PXDN: variants seen among roughly 807,000 people sequenced by gnomAD.
The protein encoded by PXDN is peroxidasin homolog.
A neutral mutation model predicts 140.3 loss-of-function variants in PXDN; 77 were observed. The observed-to-expected ratio is 0.55, with a 90% CI of 0.46 to 0.66. The LOEUF is 0.66. Among genes scored for constraint, PXDN ranks in the 30% least tolerant of loss-of-function variants. PXDN has a pLI of 0.00. For synonymous variants in PXDN, 911 were observed against 857.4 expected, an observed-to-expected ratio of 1.06 and a Z score of -1.09; for missense variants, 1,838 against 2,039.5, an observed-to-expected ratio of 0.90 and a Z score of 1.90.
At chr2:1,669,311 G>A (rs941539919) in intron 9 of PXDN, among the ~76,000 whole-genome samples, 2 of 152,118 alleles carry the variant, frequency 1.3e-5, no homozygotes, top group African/African-American at 4.8e-5. Flanking sequence ...GGGGTTGGGG[G>A]AAAGGGGACA....
chr2:1,734,829 T>G (rs1572204163), intron 1 of PXDN, among the ~76,000 whole-genome samples: 1 of 152,196 alleles, frequency 6.6e-6, no homozygotes, highest in South Asian at 2.1e-4. Flanking sequence ...ATTGTGCCAC[T>G]GCACTCCAGC....
At chr2:1,635,143 C>T (rs1682515221) in intron 22 of PXDN, among the ~76,000 whole-genome samples, 1 of 151,142 alleles carries the variant, frequency 6.6e-6, no homozygotes, top group South Asian at 2.1e-4. Context: ...ACAAGCAGCC[C>T]CAGGTGGCCC....
intron 7 of PXDN, among the ~76,000 whole-genome samples, chr2:1,679,085 T>C (rs935436443): frequency 2.3e-5 from 3 of 127,878 alleles, no homozygotes; most frequent in African/African-American, 1.0e-4. Context: ...TGTATGTGCA[T>C]GCATGTGTGT....
chr2:1,694,693 A>G (rs761604605), intron 1 of PXDN, among the ~76,000 whole-genome samples: 10 of 152,208 alleles, frequency 6.6e-5, no homozygotes, highest in Non-Finnish European at 1.5e-4. Flanking sequence ...GAATATCACT[A>G]GTGGCTCCAC....
At chr2:1,694,508 C>T (rs914375694) in intron 1 of PXDN, among the ~76,000 whole-genome samples, 1 of 152,080 alleles carries the variant, frequency 6.6e-6, no homozygotes, top group Admixed American at 6.6e-5. Context: ...GGGAAGGCGG[C>T]CCCCCTCTGC....
intron 1 of PXDN, among the ~76,000 whole-genome samples, chr2:1,735,530 T>C (rs1208931934): frequency 6.6e-6 from 1 of 152,234 alleles, no homozygotes; most frequent in African/African-American, 2.4e-5. Context: ...GGTGACGAGA[T>C]GCATTGTAAA....
intron 1 of PXDN, among the ~76,000 whole-genome samples, chr2:1,712,570 A>G (rs995532266): frequency 6.6e-6 from 1 of 152,222 alleles, no homozygotes; most frequent in African/African-American, 2.4e-5. Flanking sequence ...TAAATTTGCT[A>G]AATTCCTCTT....
At position 1,666,214 on chromosome 2, in the gene PXDN, C is replaced by T; in HGVS notation, c.1291G>A (p.Ala431Thr). The change falls in exon 10 of 23, where the codon GCT becomes ACT. Residue 431 changes from alanine (A) to threonine (T), a missense_variant and splice_region_variant. By Grantham distance (58) the Ala-to-Thr change is moderately conservative. Around this residue, in one of 5 missense-constraint regions of PXDN, gnomAD observed 537 missense variants for 583.9 expected, o/e 0.92. Coordinates refer to ENST00000252804, the MANE Select transcript of PXDN (RefSeq NM_012293.3). The stretch of plus-strand genomic sequence containing the variant: ...TCTGGCACAGAGGATGGATACCCAC[C>T]CTGGACGATGATGAAAGCGGTGGCA... ...VHATAFIIVQ[A>T]LPQFTVTPQD... 6.2e-7 allele frequency: 1 copy of T among 1,613,570 alleles called. No individual in the cohort carries two copies. The highest frequency in any genetic ancestry group is 1.3e-5 in the African/African-American group (1 of 75,050).
intron 1 of PXDN, among the ~76,000 whole-genome samples, chr2:1,710,603 A>ACTAGCACCCTCTCCACTAGCACC (rs1558520569): frequency 1.3e-4 from 11 of 86,244 alleles, no homozygotes; most frequent in Non-Finnish European, 5.0e-5. Flanking sequence ...ACCAGCACCC[A>ACTAGCACCCTCTCCACTAGCACC]CTCTCCACCA....
chr2:1,741,480 C>T (rs1685543310), intron 1 of PXDN, among the ~76,000 whole-genome samples: 1 of 152,178 alleles, frequency 6.6e-6, no homozygotes, highest in African/African-American at 2.4e-5. Flanking sequence ...GCTGAGGGAG[C>T]TCAAAGGTCG....
Position 1,649,483 on chromosome 2 carries a change from A to T in PXDN, c.2297T>A (p.Leu766Gln). The T allele has an allele frequency of 2.5e-6, 4 of 1,613,980 alleles. No homozygotes were observed. The highest frequency in any genetic ancestry group is 3.3e-4 in the Middle Eastern group (2 of 6,062). The part of the protein sequence containing the change: ...WGASLTAFER[L>Q]LKSVYENGFN... Reference sequence around the variant, plus strand: ...GCCATTCTCGTACACGGATTTCAGCAGGCGCTCGAAGGCGGTCAGCGAGGC... The same window carrying T: ...GCCATTCTCGTACACGGATTTCAGCTGGCGCTCGAAGGCGGTCAGCGAGGC... The change falls in exon 17 of 23, where the codon CTG becomes CAG. Residue 766 changes from leucine (L) to glutamine (Q), a missense_variant. Leu to Gln is a moderately radical substitution (Grantham distance 113). Coordinates refer to ENST00000252804, the MANE Select transcript of PXDN (RefSeq NM_012293.3). This position sits in a 1 kb window ranked among gnomAD's most constrained non-coding sequence, Gnocchi z 7.1.
intron 1 of PXDN, among the ~76,000 whole-genome samples, chr2:1,733,764 A>AAAAAAAAAAAAAC (rs1685365012): frequency 1.3e-5 from 2 of 151,534 alleles, no homozygotes; most frequent in Non-Finnish European, 2.9e-5. Flanking sequence ...AAAAAAAAAA[A>AAAAAAAAAAAAAC]AAAGCAGTGT....
intron 22 of PXDN, among the ~76,000 whole-genome samples, chr2:1,635,051 G>T (rs2125399774): frequency 6.6e-6 from 1 of 152,330 alleles, no homozygotes; most frequent in East Asian, 1.9e-4. Context: ...AGCTCTGCAG[G>T]GAGGAGCTGA....
chr2:1,686,616 T>C (rs1330598375), intron 4 of PXDN, among the ~76,000 whole-genome samples: 1 of 152,220 alleles, frequency 6.6e-6, no homozygotes, highest in Admixed American at 6.5e-5. Context: ...GGGTGTTCCC[T>C]GGATACGTCC....
In PXDN at chr2:1,635,924, C is replaced by G. The variant is rs181533068; in HGVS notation, c.4207-403G>C. On this transcript the variant is annotated intron_variant, in intron 21 of 22. Transcript: ENST00000252804. The stretch of plus-strand genomic sequence containing the variant: ...CACCACTGGCTTTTCTCTGGAAGCA[C>G]GGGGCCCCATAACAAGGTGACCTTT... 165 of 335,962 alleles carry G rather than the reference C, an allele frequency of 4.9e-4. 1 individual carries two copies. Among genetic ancestry groups the G allele is most frequent in the South Asian group, 8.1e-4 (33 of 40,746 alleles). The allele number at this position is 335,962 out of a possible 1,614,324, so 20.8% of individuals were successfully genotyped here.
intron 7 of PXDN, among the ~76,000 whole-genome samples, chr2:1,678,747 G>T (rs1306274056): frequency 6.6e-6 from 1 of 152,214 alleles, no homozygotes; most frequent in Non-Finnish European, 1.5e-5. Context: ...GGACGCAGGT[G>T]GGGCAGCTCC....
chr2:1,677,058 G>T lies in PXDN; in HGVS notation c.731-14C>A. The T allele has an allele frequency of 6.4e-7, 1 of 1,570,310 alleles. No homozygotes were observed. Among genetic ancestry groups the T allele is most frequent in the Non-Finnish European group, 8.7e-7 (1 of 1,153,284 alleles). On this transcript the variant is annotated splice_polypyrimidine_tract_variant and intron_variant, in intron 7 of 22. Coordinates refer to ENST00000252804, the MANE Select transcript of PXDN (RefSeq NM_012293.3). ...TCCGGGGCCTTTCTGTGCCCAACCA[G>T]AAAATGGAAACCTTTTTAGTCTAAA...
chr2:1,741,091 A>T (rs1165008441), intron 1 of PXDN, among the ~76,000 whole-genome samples: 1 of 152,068 alleles, frequency 6.6e-6, no homozygotes, highest in Non-Finnish European at 1.5e-5. Flanking sequence ...CAGGGAAGAG[A>T]GGAAGGCAGG....
rs1373470465 is a variant in PXDN at position 1,685,102 on chromosome 2, C to G, written c.417-951G>C. 6.6e-6 allele frequency among the ~76,000 whole-genome samples: 1 copy of G among 152,246 alleles called. No individual in the cohort carries two copies. The highest frequency in any genetic ancestry group is 1.5e-5 in the Non-Finnish European group (1 of 68,048). On this transcript the variant is annotated intron_variant, in intron 4 of 22. Transcript: ENST00000252804. This position sits in a 1 kb window ranked among gnomAD's most constrained non-coding sequence, Gnocchi z 5.1. ...GGACATCCTGAGATCACCGTCACCA[C>G]CAGGGCACCAGAGTGCGGCTGCCAG... is the stretch of plus-strand genomic sequence containing the variant.
Sources: gnomAD v4.1 joint callset for allele counts (sites outside exome capture counted in the v4.1 genomes callset) on GRCh38, gnomAD v4.1.1 for gene constraint, gnomAD v4.1.1 regional missense constraint, Gnocchi (gnomAD v3.1) non-coding constraint, MANE v1.5 for transcripts, NCBI Gene and HGNC (gene_info 2026-07-23, HGNC 2026-07-21) for gene names.